MMS22L: variants seen among roughly 807,000 people sequenced by gnomAD.
MMS22L encodes the protein MMS22 like, DNA repair protein, also known as protein MMS22-like.
Under a neutral mutation model 159.1 loss-of-function variants are expected in MMS22L, and 74 were observed. The ratio of observed to expected loss-of-function variants is 0.47; its 90% confidence interval spans 0.39 to 0.56. The LOEUF (loss-of-function observed/expected upper bound fraction) is 0.56. MMS22L is among the 20% of genes least tolerant of loss of function. The pLI is 0.00. For missense variants in MMS22L, 1,351 were observed against 1,422.1 expected (o/e 0.95, Z 0.80); for synonymous variants, 517 against 506.9 (o/e 1.02, Z -0.27).
chr6:97,147,925 A>G (rs1319508532), intron 24 of MMS22L, among the ~76,000 whole-genome samples: 1 of 152,188 alleles, frequency 6.6e-6, no homozygotes, highest in Non-Finnish European at 1.5e-5. Context: ...ATTGTTTAAT[A>G]AAAAATTTTT....
chr6:97,189,037 C>A (rs1220306214), intron 14 of MMS22L, among the ~76,000 whole-genome samples: 1 of 151,370 alleles, frequency 6.6e-6, no homozygotes, highest in Non-Finnish European at 1.5e-5. Flanking sequence ...GCTGGAAAAG[C>A]CACATGTAGC....
chr6:97,246,666 A>C lies in MMS22L; in HGVS notation c.1144T>G (p.Phe382Val). Residue 382 changes from phenylalanine (F) to valine (V), a missense_variant, in exon 11 of 25, where the codon TTT becomes GTT. Transcript: ENST00000683635. The part of the protein sequence containing the change: ...EMRKVESNWN[F>V]VEELLKKSIS... Reference sequence around the variant, plus strand: ...GACTTTTTCAGCAGTTCTTCTACAAAGTTCCAATTTGATTCCACTTTTCTC... The same window carrying C: ...GACTTTTTCAGCAGTTCTTCTACAACGTTCCAATTTGATTCCACTTTTCTC... 1.2e-6 allele frequency: 2 copies of C among 1,611,524 alleles called. No homozygotes were observed. The highest frequency in any genetic ancestry group is 1.7e-6 in the Non-Finnish European group (2 of 1,178,908).
chr6:97,217,314 C>T (rs1055001036), intron 14 of MMS22L, among the ~76,000 whole-genome samples: 4 of 152,070 alleles, frequency 2.6e-5, no homozygotes, highest in South Asian at 2.1e-4. Context: ...GGCGCATTCT[C>T]GGCTCACTGA....
intron 14 of MMS22L, among the ~76,000 whole-genome samples, chr6:97,213,579 G>A (rs1358405538): frequency 1.1e-4 from 16 of 152,018 alleles, no homozygotes; most frequent in Admixed American, 9.8e-4. Flanking sequence ...GCAGACGAAG[G>A]GTAGGGTTTA....
At chr6:97,151,044 G>A (rs1168138485) in intron 23 of MMS22L, among the ~76,000 whole-genome samples, 1 of 152,086 alleles carries the variant, frequency 6.6e-6, no homozygotes, top group Non-Finnish European at 1.5e-5. Context: ...GTATACTAAA[G>A]CAAGTCAGAA....
intron 22 of MMS22L, among the ~76,000 whole-genome samples, chr6:97,159,790 T>C (rs974919590): frequency 6.6e-6 from 1 of 151,894 alleles, no homozygotes; most frequent in African/African-American, 2.4e-5. Context: ...CATAAATGAA[T>C]TTCATGTTTA....
rs192931307 is a variant in MMS22L, at chr6:97,144,604, T to C, written c.*2202A>G. 1.3e-5 allele frequency: 2 copies of C among 152,102 alleles called. No homozygotes were observed. Among genetic ancestry groups the C allele is most frequent in the Non-Finnish European group, 2.9e-5 (2 of 68,018 alleles). 9.4% of individuals were successfully genotyped at this position (152,102 alleles called of 1,614,324 possible). ...AAGACAATGGCTTGTATTACACTGG[T>C]AGAAGCAGCAGCCTCAGAAATTACA... On this transcript the variant is annotated 3_prime_UTR_variant, in exon 25 of 25. Coordinates refer to ENST00000683635, the MANE Select transcript of MMS22L (RefSeq NM_001350599.2).
At chr6:97,195,129 T>C (rs960544966) in intron 14 of MMS22L, among the ~76,000 whole-genome samples, 1 of 152,170 alleles carries the variant, frequency 6.6e-6, no homozygotes, top group African/African-American at 2.4e-5. Flanking sequence ...GAAGGTGACA[T>C]TTGAGCAAAG....
In MMS22L at chr6:97,209,259, C is replaced by T. The variant is rs555033348; in HGVS notation, c.2039+19635G>A. 2.0e-5 allele frequency among the ~76,000 whole-genome samples: 3 copies of T among 152,178 alleles called. No homozygotes were observed. In the South Asian group the frequency reaches 6.2e-4, roughly 32 times the overall value. On this transcript the variant is annotated intron_variant, in intron 14 of 24. Coordinates refer to ENST00000683635, the MANE Select transcript of MMS22L (RefSeq NM_001350599.2). The stretch of plus-strand genomic sequence containing the variant: ...AAAATAATTTCCCCAAGAACAGAAT[C>T]TAATCCTTATTTTTGCACACAAACC...
At chr6:97,267,642 TAAAAAAAA>T (rs58513290) in intron 8 of MMS22L, 12 of 191,738 alleles carry the variant, frequency 6.3e-5, no homozygotes, top group Non-Finnish European at 8.8e-5. Context: ...CTATTTTTCT[TAAAAAAAA>T]AAAAAAAAAG....
chr6:97,239,936 G>T (rs1811872065), intron 11 of MMS22L, among the ~76,000 whole-genome samples: 1 of 152,092 alleles, frequency 6.6e-6, no homozygotes, highest in South Asian at 2.1e-4. Context: ...AAAACAAAAA[G>T]TATAATGAAG....
In MMS22L at chr6:97,142,939, TAAG is replaced by T. The variant is rs1480110114; in HGVS notation, c.*3864_*3866del. ...TGAGGTAGAAAAAGTCAAATATGCT[TAAG>T]AAGAAAACATACGAAGGATAGGTAA... On this transcript the variant is annotated 3_prime_UTR_variant, in exon 25 of 25. Coordinates refer to ENST00000683635, the MANE Select transcript of MMS22L (RefSeq NM_001350599.2). 2 of 152,634 alleles carry T rather than the reference TAAG, an allele frequency of 1.3e-5. No homozygotes were observed. The highest frequency in any genetic ancestry group is 3.9e-4 in the East Asian group (2 of 5,180). The allele number at this position is 152,634 out of a possible 1,614,324, so 9.5% of individuals were successfully genotyped here. A position where few individuals can be genotyped will look rare whatever the true frequency, so the allele number is the denominator to read the frequency against.
intron 14 of MMS22L, among the ~76,000 whole-genome samples, chr6:97,215,091 A>AAT (rs1167446221): frequency 0.011 from 1,509 of 141,250 alleles, 23 homozygotes; most frequent in Middle Eastern, 0.029. Context: ...TCATGTTTTA[A>AAT]ATATATATAT....
intron 14 of MMS22L, among the ~76,000 whole-genome samples, chr6:97,204,750 G>A (rs549792355): frequency 4.9e-5 from 7 of 143,998 alleles, no homozygotes; most frequent in South Asian, 2.2e-4. Flanking sequence ...AGCCATGATC[G>A]TGCCATTGCA....
At chr6:97,173,282 C>A in intron 18 of MMS22L, 60 bp from the exon 19 acceptor site, 2 of 1,522,646 alleles carry the variant, frequency 1.3e-6, no homozygotes, top group Non-Finnish European at 1.8e-6. Flanking sequence ...AGATTTGGAA[C>A]ATAAAGATAA....
At chr6:97,271,851 T>G (rs921076277) in intron 6 of MMS22L, 1 of 152,168 alleles carries the variant, frequency 6.6e-6, no homozygotes, top group Non-Finnish European at 1.5e-5. Context: ...TTTTTAATTT[T>G]TTGTAGAAAT....
intron 14 of MMS22L, among the ~76,000 whole-genome samples, chr6:97,207,303 T>C (rs2127926311): frequency 6.6e-6 from 1 of 152,268 alleles, no homozygotes; most frequent in Middle Eastern, 3.4e-3. Context: ...ATTGAAGGAA[T>C]CAAGTGCTCC....
intron 14 of MMS22L, among the ~76,000 whole-genome samples, chr6:97,192,170 ATG>A (rs1210540103): frequency 9.5e-4 from 26 of 27,476 alleles, no homozygotes; most frequent in African/African-American, 6.8e-3. Context: ...TGGTAGACGG[ATG>A]GATGGATGGA....
intron 22 of MMS22L, among the ~76,000 whole-genome samples, chr6:97,155,557 C>T (rs534531641): frequency 9.2e-5 from 14 of 152,166 alleles, no homozygotes; most frequent in African/African-American, 2.6e-4. Flanking sequence ...AGTGAGAACA[C>T]GCGGTGTTTG....
Sources: allele counts gnomAD v4.1 joint callset (sites outside exome capture counted in the v4.1 genomes callset), GRCh38; gene constraint gnomAD v4.1.1; transcripts MANE v1.5; gene names NCBI Gene and HGNC (gene_info 2026-07-23, HGNC 2026-07-21).